The following ACAD11 variants were observed in gnomAD, a reference collection of about 807,000 sequenced individuals.
ACAD11 encodes acyl-CoA dehydrogenase family member 11.
Under a neutral mutation model 102.2 loss-of-function variants are expected in ACAD11, and 83 were observed. The ratio of observed to expected loss-of-function variants is 0.81; its 90% CI spans 0.68 to 0.97. ACAD11 has a LOEUF of 0.97. Among genes scored for constraint, ACAD11 ranks in the 50% least tolerant of loss-of-function variants. The pLI, the probability that ACAD11 is intolerant of heterozygous loss-of-function variation, is 0.00. For synonymous variants in ACAD11, 324 were observed against 319.8 expected, an observed-to-expected ratio of 1.01 and a Z score of -0.14; for missense variants, 901 against 951.7, an observed-to-expected ratio of 0.95 and a Z score of 0.70.
chr3:132,564,500 T>C (rs954524540), intron 17 of ACAD11, among the ~76,000 whole-genome samples: 6 of 152,240 alleles, frequency 3.9e-5, no homozygotes, highest in African/African-American at 1.2e-4. Flanking sequence ...TGATAGTTCA[T>C]GGGATTTGAG....
intron 13 of ACAD11, chr3:132,601,979 A>G (rs888673212): frequency 1.1e-5 from 2 of 177,204 alleles, no homozygotes; most frequent in Admixed American, 5.8e-5. Flanking sequence ...CCACTATGCT[A>G]TAAGTTAGGC....
intron 11 of ACAD11, among the ~76,000 whole-genome samples, chr3:132,613,584 G>A (rs937687270): frequency 3.3e-5 from 5 of 151,962 alleles, no homozygotes; most frequent in African/African-American, 1.2e-4. Context: ...GTTTGCAGAT[G>A]ACATGATAGT....
At chr3:132,563,367 C>A (rs1937119565) in intron 17 of ACAD11, among the ~76,000 whole-genome samples, 3 of 152,182 alleles carry the variant, frequency 2.0e-5, no homozygotes, top group South Asian at 2.1e-4. Flanking sequence ...GTGATTGGAA[C>A]TGCCTTAAGT....
In ACAD11 at chr3:132,642,007, C is replaced by G; in HGVS notation, c.502G>C (p.Gly168Arg). ...SLNIQSLQLE[G>R]YGIGAGYCKR... Reference sequence around the variant, plus strand: ...CAGTACCCAGCACCTATACCATATCCTTCCAGCTGCAGTGACTGTATATTC... The same window carrying G: ...CAGTACCCAGCACCTATACCATATCGTTCCAGCTGCAGTGACTGTATATTC... The change falls in exon 4 of 20, where the codon GGA becomes CGA. Residue 168 changes from glycine (G) to arginine (R), a missense_variant. Physicochemically the swap from Gly to Arg is moderately radical, Grantham distance 125. Coordinates refer to ENST00000264990, the MANE Select transcript of ACAD11 (RefSeq NM_032169.5). The G allele has an allele frequency of 1.2e-6, 2 of 1,613,826 alleles. No individual in the cohort carries two copies. The highest frequency in any genetic ancestry group is 2.2e-5 in the South Asian group (2 of 91,066).
intron 9 of ACAD11, among the ~76,000 whole-genome samples, chr3:132,619,804 A>G (rs925013031): frequency 2.0e-5 from 3 of 152,232 alleles, no homozygotes; most frequent in African/African-American, 7.2e-5. Context: ...CAAACTAGAT[A>G]GTCATAGAAA....
intron 7 of ACAD11, among the ~76,000 whole-genome samples, chr3:132,630,008 A>C (rs191069036): frequency 6.6e-6 from 1 of 152,132 alleles, no homozygotes. Flanking sequence ...AGGTTACTGT[A>C]TACTAGATAC....
chr3:132,632,426 C>T (rs1233754665), intron 5 of ACAD11, among the ~76,000 whole-genome samples: 1 of 151,882 alleles, frequency 6.6e-6, no homozygotes, highest in African/African-American at 2.4e-5. Context: ...TACATATGGC[C>T]AAAAAATCAA....
intron 11 of ACAD11, among the ~76,000 whole-genome samples, chr3:132,606,329 C>T (rs796120420): frequency 3.3e-5 from 5 of 152,314 alleles, no homozygotes; most frequent in African/African-American, 1.2e-4. Flanking sequence ...TTCTTTTTGA[C>T]TGAGGGAGAA....
At chr3:132,614,058 G>A (rs983844690) in intron 11 of ACAD11, among the ~76,000 whole-genome samples, 14 of 152,128 alleles carry the variant, frequency 9.2e-5, no homozygotes, top group African/African-American at 1.7e-4. Flanking sequence ...AATCTTGAGT[G>A]AACTCCCATT....
chr3:132,600,871 T>C (rs1260049494), intron 13 of ACAD11: 2 of 1,613,934 alleles, frequency 1.2e-6, no homozygotes, highest in South Asian at 1.1e-5. Context: ...GGATCATCTG[T>C]TTCTGTGTCT....
In ACAD11 at chr3:132,603,303, G is replaced by A. The variant is rs769960077; in HGVS notation, c.1547C>T (p.Ala516Val). Residue 516 changes from alanine to valine, a missense_variant, in exon 13 of 20, where the codon GCC becomes GTC. Ala to Val is a moderately conservative substitution (Grantham distance 64). Coordinates refer to ENST00000264990, the MANE Select transcript of ACAD11 (RefSeq NM_032169.5). The part of the protein sequence containing the change: ...MTEPDVASSD[A>V]TNIECSIQRD... ...TTGGATGCTGCATTCAATATTCGTG[G>A]CATCACTTGAAGCTACATCAGGTTC... is the stretch of plus-strand genomic sequence containing the variant. 1.2e-6 allele frequency: 2 copies of A among 1,613,744 alleles called. No homozygotes were observed. Among genetic ancestry groups the A allele is most frequent in the Non-Finnish European group, 1.7e-6 (2 of 1,179,822 alleles).
chr3:132,562,258 C>A (rs543432086), intron 17 of ACAD11, among the ~76,000 whole-genome samples: 1 of 152,282 alleles, frequency 6.6e-6, no homozygotes, highest in African/African-American at 2.4e-5. Flanking sequence ...CGCCCATCAC[C>A]ATGCCTGGCT....
chr3:132,595,405 T>A (rs1371469421), intron 13 of ACAD11, among the ~76,000 whole-genome samples: 1 of 152,082 alleles, frequency 6.6e-6, no homozygotes, highest in Non-Finnish European at 1.5e-5. Context: ...TAGACTACTA[T>A]GAGAGTTCAT....
intron 13 of ACAD11, among the ~76,000 whole-genome samples, chr3:132,590,793 G>C (rs1186317113): frequency 1.3e-5 from 2 of 152,140 alleles, no homozygotes; most frequent in African/African-American, 4.8e-5. Context: ...TTTGTTGGCT[G>C]CATATATATC....
Position 132,642,142 on chromosome 3 carries a change from G to T in ACAD11, c.376-9C>A, listed in dbSNP as rs1159067701. ...TCACGGAAGATTCGACCCTATGGAA[G>T]TGATTACAACAGATTATTTAAATGT... On this transcript the variant is annotated splice_polypyrimidine_tract_variant and intron_variant, in intron 3 of 19. Coordinates refer to ENST00000264990, the MANE Select transcript of ACAD11 (RefSeq NM_032169.5). 1.7e-5 allele frequency: 27 copies of T among 1,610,362 alleles called. No homozygotes were observed. The highest frequency in any genetic ancestry group is 2.2e-5 in the Non-Finnish European group (26 of 1,177,720).
In ACAD11 at chr3:132,561,165, C is replaced by A; in HGVS notation, c.2054G>T (p.Arg685Leu). The change falls in exon 18 of 20, where the codon CGC becomes CTC. Residue 685 changes from arginine to leucine, a missense_variant. Transcript: ENST00000264990. Reference protein sequence around the residue: ...AESRIAIEKIRLLTLKAAHSM... With the variant: ...AESRIAIEKILLLTLKAAHSM... ...GTGAGCAGCTTTCAGAGTCAACAAG[C>A]GGATCTTCTCAATGGCAATGCGGCT... The A allele has an allele frequency of 1.9e-6, 3 of 1,613,534 alleles. No individual in the cohort carries two copies. The highest frequency in any genetic ancestry group is 2.5e-6 in the Non-Finnish European group (3 of 1,179,670).
chr3:132,636,852 T>C (rs543897673), intron 5 of ACAD11, among the ~76,000 whole-genome samples: 1 of 152,088 alleles, frequency 6.6e-6, no homozygotes, highest in Non-Finnish European at 1.5e-5. Flanking sequence ...AAGCAGGCTA[T>C]GCTGGAAAAT....
intron 13 of ACAD11, among the ~76,000 whole-genome samples, chr3:132,589,491 C>T (rs1016760674): frequency 2.6e-5 from 4 of 152,140 alleles, no homozygotes; most frequent in African/African-American, 9.7e-5. Context: ...TCTAATTTTT[C>T]AACTGGATAT....
At position 132,576,954 on chromosome 3, in the gene ACAD11, A is replaced by AT; in HGVS notation, c.1835dup (p.Asn612LysfsTer6). 6.2e-7 allele frequency: 1 copy of AT among 1,607,886 alleles called. No homozygotes were observed. The highest frequency in any genetic ancestry group is 8.5e-7 in the Non-Finnish European group (1 of 1,174,818). ...CCAAATTCAACTCACCTAGTATTAG[A>AT]TTTGTGGCAGGAACTCGCACTTGAT... On this transcript the variant is annotated frameshift_variant, in exon 16 of 20. Transcript: ENST00000264990. LOFTEE classifies it high-confidence loss of function.
Sources: gnomAD v4.1 joint callset for allele counts (sites outside exome capture counted in the v4.1 genomes callset) on GRCh38, gnomAD v4.1.1 for gene constraint, MANE v1.5 for transcripts, NCBI Gene and HGNC (gene_info 2026-07-23, HGNC 2026-07-21) for gene names.